DYNC2I2: variants seen among roughly 807,000 people sequenced by gnomAD.
The protein encoded by DYNC2I2 is cytoplasmic dynein 2 intermediate chain 2.
Under a neutral mutation model 52.0 loss-of-function variants are expected in DYNC2I2, and 39 were observed. The observed-to-expected ratio is 0.75, with a 90% CI of 0.58 to 0.98. The LOEUF (loss-of-function observed/expected upper bound fraction) is 0.98, where lower values mean the gene tolerates loss of function less well. Ranked by LOEUF, DYNC2I2 falls within the 50% of genes least tolerant of loss-of-function variation. DYNC2I2 has a pLI of 0.00. For missense variants in DYNC2I2, 743 were observed against 728.4 expected (o/e 1.02, Z -0.23); for synonymous variants, 359 against 321.1 (o/e 1.12, Z -1.26).
Position 128,635,850 on chromosome 9 carries a change from A to ACAGGGC in DYNC2I2, c.704-89_704-84dup, listed in dbSNP as rs1048367113. The ACAGGGC allele has an allele frequency of 3.0e-4, 405 of 1,340,718 alleles. No homozygotes were observed. In the East Asian group the frequency reaches 4.1e-3, roughly 14 times the overall value. The allele number at this position is 1,340,718 out of a possible 1,614,324, so 83.1% of individuals were successfully genotyped here. A position where few individuals can be genotyped will look rare whatever the true frequency, so the allele number is the denominator to read the frequency against. ...GCCAAACACCCGCCCCAGCCCACCTACAGGGCCAGGGCCAGGGCCAGGCGG... is the reference window on the plus strand; with the variant it reads ...GCCAAACACCCGCCCCAGCCCACCTACAGGGCCAGGGCCAGGGCCAGGGCCAGGCGG... On this transcript the variant is annotated intron_variant, in intron 4 of 8. Transcript: ENST00000372715.
intron 1 of DYNC2I2, among the ~76,000 whole-genome samples, chr9:128,655,450 G>A (rs55893845): frequency 0.016 from 2,297 of 147,368 alleles, 24 homozygotes; most frequent in Non-Finnish European, 0.026. Flanking sequence ...GGCGGAGCTT[G>A]CAGTGAGCAG....
intron 1 of DYNC2I2, among the ~76,000 whole-genome samples, chr9:128,649,687 T>TGAAAAAA (rs1860687910): frequency 1.4e-4 from 1 of 7,382 alleles, no homozygotes; most frequent in African/African-American, 1.2e-3. Context: ...AGACTCCATC[T>TGAAAAAA]CAAAAAAAAA....
chr9:128,675,327 A>G, the DYNC2I2 span, among the ~76,000 whole-genome samples: 1 of 151,890 alleles, frequency 6.6e-6, no homozygotes, highest in Non-Finnish European at 1.5e-5. Flanking sequence ...ACAGGCATGC[A>G]CCACCATGCC....
Position 128,635,755 on chromosome 9 carries a change from C to A in DYNC2I2, c.716G>T (p.Ser239Ile), listed in dbSNP as rs752243632. ...QPSHVAGGLY[S>I]GEVLVWDLSR... ...CAGGTCCCACACCAACACCTCACCACTGTACAGCCCTCCTGCAGGGACAGT... is the reference window on the plus strand; with the variant it reads ...CAGGTCCCACACCAACACCTCACCAATGTACAGCCCTCCTGCAGGGACAGT... Residue 239 changes from serine (S) to isoleucine (I), a missense_variant, in exon 5 of 9, where the codon AGT (serine) becomes ATT (isoleucine). Ser to Ile is a moderately radical substitution (Grantham distance 142). Coordinates refer to ENST00000372715, the MANE Select transcript of DYNC2I2 (RefSeq NM_052844.4). 1.7e-5 allele frequency: 27 copies of A among 1,612,574 alleles called. No homozygotes were observed. Among genetic ancestry groups the A allele is most frequent in the Middle Eastern group, 1.7e-4 (1 of 6,058 alleles).
At chr9:128,656,910 C>T (rs897895181), upstream of DYNC2I2, 13 of 612,430 alleles carry the variant, frequency 2.1e-5, no homozygotes, top group Non-Finnish European at 5.0e-6. Context: ...GAAGCATGAC[C>T]GGTTTTGCAT....
In DYNC2I2 at chr9:128,645,189, A is replaced by G. The variant is rs938871564; in HGVS notation, c.187-4250T>C. On this transcript the variant is annotated intron_variant, in intron 1 of 8. Transcript: ENST00000372715. ...AATGTGGTGAAACCCCATCTCTACT[A>G]AAAAAAAAAAAAAATACAAAAATTG... Among the ~76,000 whole-genome samples, 14 of 4,304 alleles carry G rather than the reference A, an allele frequency of 3.3e-3. No homozygotes were observed. In the Non-Finnish European group the frequency reaches 0.046, roughly 14 times the overall value. 2.8% of individuals were successfully genotyped at this position (4,304 alleles called of 152,430 possible).
Position 128,633,963 on chromosome 9 carries a change from A to AAAAGC in DYNC2I2, c.1391_1392insGCTTT (p.Asp464GlufsTer14). On this transcript the variant is annotated frameshift_variant, in exon 9 of 9. Coordinates refer to ENST00000372715, the MANE Select transcript of DYNC2I2 (RefSeq NM_052844.4). LOFTEE classifies it high-confidence loss of function. ...TGGGTTTCTGGGAGCTTTTCTGGAG[A>AAAAGC]TCAAACAGCTGCACGTCACCTGCAA... is the stretch of plus-strand genomic sequence containing the variant. 2 of 1,612,984 alleles carry AAAAGC rather than the reference A, an allele frequency of 1.2e-6. No homozygotes were observed. The highest frequency in any genetic ancestry group is 1.7e-6 in the Non-Finnish European group (2 of 1,180,016).
At chr9:128,670,251 C>A in the DYNC2I2 span, among the ~76,000 whole-genome samples, 4 of 151,982 alleles carry the variant, frequency 2.6e-5, no homozygotes, top group Non-Finnish European at 5.9e-5. Flanking sequence ...CCAGCCTGGC[C>A]AACATGGTGA....
intron 1 of DYNC2I2, chr9:128,652,294 T>C (rs2132178870): frequency 6.6e-6 from 1 of 150,820 alleles, no homozygotes; most frequent in Non-Finnish European, 1.5e-5. Flanking sequence ...TAGCTGGGCA[T>C]GGTGGCAGGC....
intron 1 of DYNC2I2, among the ~76,000 whole-genome samples, chr9:128,648,099 T>G (rs1860650595): frequency 6.6e-6 from 1 of 152,042 alleles, no homozygotes; most frequent in Non-Finnish European, 1.5e-5. Context: ...AGCCCCAGAC[T>G]TCTCTGACTG....
chr9:128,683,886 C>T, the DYNC2I2 span: 3 of 1,548,166 alleles, frequency 1.9e-6, no homozygotes, highest in Middle Eastern at 5.6e-4. Context: ...TCTGGGACTT[C>T]CCTAACAGCA....
In DYNC2I2 at chr9:128,635,308, C is replaced by G. The variant is rs748118409; in HGVS notation, c.814-49G>C. On this transcript the variant is annotated intron_variant, in intron 5 of 8. Coordinates refer to ENST00000372715, the MANE Select transcript of DYNC2I2 (RefSeq NM_052844.4). ...AGGATGGAGACAAGGGACACCTGCCCAGGTGTCACGCTCCACCCCTACCCT... is the reference window on the plus strand; with the variant it reads ...AGGATGGAGACAAGGGACACCTGCCGAGGTGTCACGCTCCACCCCTACCCT... The G allele has an allele frequency of 5.7e-6, 9 of 1,585,978 alleles. No individual in the cohort carries two copies. In the African/African-American group the frequency reaches 9.4e-5, roughly 17 times the overall value.
the DYNC2I2 span, among the ~76,000 whole-genome samples, chr9:128,672,276 T>C: frequency 6.6e-6 from 1 of 151,982 alleles, no homozygotes; most frequent in Non-Finnish European, 1.5e-5. Flanking sequence ...GGCCAATTTT[T>C]GTATTTTTAG....
chr9:128,633,659 C>T lies in DYNC2I2; in HGVS notation c.*85G>A. The T allele has an allele frequency of 6.8e-7, 1 of 1,464,164 alleles. No homozygotes were observed. Among genetic ancestry groups the T allele is most frequent in the Non-Finnish European group, 9.3e-7 (1 of 1,076,248 alleles). 90.7% of individuals were successfully genotyped at this position (1,464,164 alleles called of 1,614,324 possible). A position where few individuals can be genotyped will look rare whatever the true frequency, so the allele number is the denominator to read the frequency against. ...AAGACAAATAAATGATGACTTCCCC[C>T]AAAGCTTTGCTTTTCTTCATTTGGC... is the stretch of plus-strand genomic sequence containing the variant. On this transcript the variant is annotated 3_prime_UTR_variant, in exon 9 of 9. Transcript: ENST00000372715.
chr9:128,669,587 C>T, the DYNC2I2 span, among the ~76,000 whole-genome samples: 6 of 152,138 alleles, frequency 3.9e-5, no homozygotes, highest in Non-Finnish European at 7.4e-5. Context: ...ATCCCAGCTA[C>T]CTGGGAGGTT....
At chr9:128,636,841 T>C in intron 3 of DYNC2I2, 77 bp downstream of exon 3, 1 of 1,145,074 alleles carries the variant, frequency 8.7e-7, no homozygotes, top group South Asian at 1.3e-5. Context: ...AGCCCTTCCC[T>C]GTGCAGCTAC....
intron 1 of DYNC2I2, among the ~76,000 whole-genome samples, chr9:128,645,831 G>A (rs545257906): frequency 6.6e-6 from 1 of 152,226 alleles, no homozygotes; most frequent in South Asian, 2.1e-4. Flanking sequence ...AAAAGTTCTT[G>A]AAGGAAATTA....
chr9:128,671,645 G>T, the DYNC2I2 span, among the ~76,000 whole-genome samples: 2 of 148,814 alleles, frequency 1.3e-5, no homozygotes, highest in African/African-American at 4.9e-5. Flanking sequence ...GCTAATTTTT[G>T]TTATTTTTTA....
chr9:128,664,089 C>T, the DYNC2I2 span, among the ~76,000 whole-genome samples: 12 of 151,742 alleles, frequency 7.9e-5, no homozygotes, highest in African/African-American at 2.4e-4. Context: ...TCCCGAATAG[C>T]TGGGATTACA....
Sources: gnomAD v4.1 joint callset for allele counts (sites outside exome capture counted in the v4.1 genomes callset) on GRCh38, gnomAD v4.1.1 for gene constraint, MANE v1.5 for transcripts, NCBI Gene and HGNC (gene_info 2026-07-23, HGNC 2026-07-21) for gene names.